Variants in SYT12 observed in about 807,000 individuals in gnomAD.
SYT12 encodes the protein synaptotagmin 12.
SYT12 carries 27 observed loss-of-function variants against 39.5 expected under a neutral mutation model. The observed-to-expected ratio is 0.68, with a 90% CI of 0.50 to 0.94. The LOEUF (loss-of-function observed/expected upper bound fraction) is 0.94. Among genes scored for constraint, SYT12 ranks in the 40% least tolerant of loss-of-function variants. The pLI, the probability that SYT12 is intolerant of heterozygous loss-of-function variation, is 0.00. For synonymous variants in SYT12, 233 were observed against 239.7 expected (o/e 0.97, Z 0.26); for missense variants, 536 against 572.6 (o/e 0.94, Z 0.65).
chr11:67,045,707 G>T (rs761901232), intron 6 of SYT12, 37 bp from the exon 7 acceptor site: 1 of 1,607,766 alleles, frequency 6.2e-7, no homozygotes. Context: ...TGGTGAGTGA[G>T]TGTGACACTG....
At chr11:67,035,872 TTCTTTCTTTCCC>T (rs1226148919) in intron 3 of SYT12, among the ~76,000 whole-genome samples, 13 of 131,502 alleles carry the variant, frequency 9.9e-5, no homozygotes, top group African/African-American at 3.4e-4. Context: ...CTTTCTTTCT[TTCTTTCTTTCCC>T]TCCCTCCCTC....
At chr11:67,026,375 C>A (rs1238636778) in intron 1 of SYT12, among the ~76,000 whole-genome samples, 1 of 152,090 alleles carries the variant, frequency 6.6e-6, no homozygotes, top group Non-Finnish European at 1.5e-5. Context: ...TAGGTTCAAG[C>A]GATTCTTCTG....
chr11:67,021,260 C>A (rs1193514074), upstream of SYT12, among the ~76,000 whole-genome samples: 1 of 152,012 alleles, frequency 6.6e-6, no homozygotes, highest in Non-Finnish European at 1.5e-5. Flanking sequence ...TCATTTCAAG[C>A]TCACTCCCGC....
intron 3 of SYT12, among the ~76,000 whole-genome samples, chr11:67,035,466 T>C (rs1950341931): frequency 6.9e-6 from 1 of 145,486 alleles, no homozygotes; most frequent in African/African-American, 2.5e-5. Context: ...TTCTTTTTTT[T>C]TTTTTTTTTG....
intron 2 of SYT12, among the ~76,000 whole-genome samples, chr11:67,034,414 C>G (rs1296662666): frequency 6.6e-6 from 1 of 152,188 alleles, no homozygotes; most frequent in Non-Finnish European, 1.5e-5. Flanking sequence ...AATGCTCAGA[C>G]TATAAGTGTA....
At chr11:67,048,043 G>T (rs1854620441) in intron 7 of SYT12, among the ~76,000 whole-genome samples, 1 of 148,818 alleles carries the variant, frequency 6.7e-6, no homozygotes, top group Non-Finnish European at 1.5e-5. Context: ...CGCCCGCCTC[G>T]GCCTCCCAAA....
At position 67,043,856 on chromosome 11, in the gene SYT12, A is replaced by G. The variant is rs372618358; in HGVS notation, c.837+3A>G. The stretch of plus-strand genomic sequence containing the variant: ...TCTATTTACAGGACCAGAACAAGGT[A>G]AGTGACTTGCCTGCTCGTCCACCTC... On this transcript the variant is annotated splice_donor_region_variant and intron_variant, in intron 5 of 7. Coordinates refer to ENST00000527043, the MANE Select transcript of SYT12 (RefSeq NM_177963.4). 6 of 1,613,818 alleles carry G rather than the reference A, an allele frequency of 3.7e-6. No homozygotes were observed. In the African/African-American group the frequency reaches 8.0e-5, roughly 22 times the overall value.
At chr11:67,007,062 G>A (rs1262668627) in exon 1 of SYT12, 2 of 152,308 alleles carry the variant, frequency 1.3e-5, no homozygotes, top group Non-Finnish European at 2.9e-5. Flanking sequence ...AGCAAGTTAC[G>A]GGAGTGGGCC....
chr11:67,048,837 C>A lies in SYT12; in HGVS notation c.*80C>A. Reference sequence around the variant, plus strand: ...GCTCTGTCTGATGCCCTCTCCATAGCCCAGCTGGAGCCGTGAACACTGGGG... The same window carrying A: ...GCTCTGTCTGATGCCCTCTCCATAGACCAGCTGGAGCCGTGAACACTGGGG... On this transcript the variant is annotated 3_prime_UTR_variant, in exon 8 of 8. Transcript: ENST00000527043. The A allele has an allele frequency of 6.7e-7, 1 of 1,485,184 alleles. No individual in the cohort carries two copies. Among genetic ancestry groups the A allele is most frequent in the South Asian group, 1.3e-5 (1 of 79,604 alleles). 92.0% of individuals were successfully genotyped at this position (1,485,184 alleles called of 1,614,324 possible).
intron 7 of SYT12, 123 bp downstream of exon 7, chr11:67,046,000 T>C: frequency 7.5e-7 from 1 of 1,332,786 alleles, no homozygotes; most frequent in Non-Finnish European, 1.0e-6. Flanking sequence ...GCCATCACTT[T>C]CTAGCAGTTA....
intron 3 of SYT12, among the ~76,000 whole-genome samples, chr11:67,017,358 C>A (rs1179108555): frequency 2.1e-5 from 3 of 142,934 alleles, no homozygotes; most frequent in African/African-American, 7.4e-5. Flanking sequence ...CCCATTTCTA[C>A]AATTTTTTTT....
intron 4 of SYT12, among the ~76,000 whole-genome samples, chr11:67,042,100 G>T (rs959075784): frequency 6.6e-6 from 1 of 152,190 alleles, no homozygotes; most frequent in Non-Finnish European, 1.5e-5. Context: ...CAGGACCCTG[G>T]AGCCTGACTG....
At chr11:67,018,048 G>A (rs1318326985) in intron 3 of SYT12, among the ~76,000 whole-genome samples, 1 of 150,932 alleles carries the variant, frequency 6.6e-6, no homozygotes, top group Non-Finnish European at 1.5e-5. Context: ...GATCACTTAA[G>A]GTCAGAAGTT....
intron 6 of SYT12, chr11:67,045,506 C>T (rs888406588): frequency 1.2e-4 from 65 of 560,802 alleles, no homozygotes; most frequent in South Asian, 3.1e-4. Context: ...GAGGGGAGCG[C>T]GTGGGCTGTG....
intron 3 of SYT12, among the ~76,000 whole-genome samples, chr11:67,018,090 C>T (rs910838746): frequency 1.4e-4 from 21 of 151,624 alleles, no homozygotes; most frequent in Non-Finnish European, 1.9e-4. Context: ...GGTGAAACCC[C>T]GTCTCTACTA....
Position 67,049,982 on chromosome 11 carries a change from G to T in SYT12, c.*1225G>T, listed in dbSNP as rs1409114629. The T allele has an allele frequency of 1.3e-5, 2 of 152,258 alleles. No individual in the cohort carries two copies. The highest frequency in any genetic ancestry group is 4.8e-5 in the African/African-American group (2 of 41,434). 9.4% of individuals were successfully genotyped at this position (152,258 alleles called of 1,614,324 possible). A position where few individuals can be genotyped will look rare whatever the true frequency, so the allele number is the denominator to read the frequency against. ...GGGGCAAGTAGTTTCTTGCGGGTGA[G>T]TGTTCTCAGAGAAACTTACCAGATC... On this transcript the variant is annotated 3_prime_UTR_variant, in exon 8 of 8. Coordinates refer to ENST00000527043, the MANE Select transcript of SYT12 (RefSeq NM_177963.4).
Position 67,008,890 on chromosome 11 carries a change from C to G in SYT12, c.-484-989C>G, listed in dbSNP as rs57508396. Among the ~76,000 whole-genome samples, 1,253 of 152,114 alleles carry G rather than the reference C, an allele frequency of 8.2e-3. 24 individuals are homozygous for G. The highest frequency in any genetic ancestry group is 0.029 in the African/African-American group (1,208 of 41,484). On this transcript the variant is annotated intron_variant, in intron 1 of 10. Coordinates refer to the SYT12 transcript ENST00000393946. ...GTACCTCAGGTTCCGAATGTGTAAC[C>G]TGTGGGCTGATAAAGGAACCTTGGT...
chr11:67,033,908 C>T (rs1591365269), intron 2 of SYT12, among the ~76,000 whole-genome samples: 1 of 152,078 alleles, frequency 6.6e-6, no homozygotes, highest in South Asian at 2.1e-4. Flanking sequence ...TTTCCGTTTT[C>T]GGGGGCAGCA....
intron 3 of SYT12, among the ~76,000 whole-genome samples, chr11:67,013,375 G>A (rs1181823455): frequency 6.6e-6 from 1 of 152,100 alleles, no homozygotes; most frequent in African/African-American, 2.4e-5. Flanking sequence ...TGGTCCTCAG[G>A]GCGCTGGTGC....
Sources: gnomAD v4.1 joint callset for allele counts (sites outside exome capture counted in the v4.1 genomes callset) on GRCh38, gnomAD v4.1.1 for gene constraint, MANE v1.5 for transcripts, NCBI Gene and HGNC (gene_info 2026-07-23, HGNC 2026-07-21) for gene names.